BAIAP2: variants seen among roughly 807,000 people sequenced by gnomAD.
BAIAP2 encodes the protein BAR/IMD domain containing adaptor protein 2, also known as BAR/IMD domain-containing adapter protein 2.
In BAIAP2, 18 loss-of-function variants were observed where a neutral mutation model predicts 63.0. That is an observed-to-expected ratio of 0.29 (90% CI 0.20 to 0.42). BAIAP2 has a LOEUF of 0.42. Among genes scored for constraint, BAIAP2 ranks in the 10% least tolerant of loss-of-function variants. BAIAP2 has a pLI of 1.00. For missense variants in BAIAP2, 610 were observed against 734.3 expected (o/e 0.83, Z 1.96); for synonymous variants, 386 against 307.6 (o/e 1.25, Z -2.67).
chr17:81,068,912 T>C (rs184891563), intron 3 of BAIAP2, among the ~76,000 whole-genome samples: 25 of 152,264 alleles, frequency 1.6e-4, no homozygotes, highest in African/African-American at 5.3e-4. Flanking sequence ...TGCTCCTGTG[T>C]GCCCGCTGCC....
At chr17:81,089,564 C>T (rs924809019) in intron 6 of BAIAP2, among the ~76,000 whole-genome samples, 4 of 152,140 alleles carry the variant, frequency 2.6e-5, no homozygotes, top group African/African-American at 9.7e-5. Flanking sequence ...TGGGAGTAAG[C>T]CACAGCACCT....
intron 1 of BAIAP2, among the ~76,000 whole-genome samples, chr17:81,035,515 C>T (rs886593065): frequency 1.3e-5 from 2 of 149,094 alleles, no homozygotes; most frequent in Non-Finnish European, 3.0e-5. Flanking sequence ...GTGGCCACCC[C>T]CGCCCGGGCC....
At chr17:81,044,626 C>A (rs2047545332) in intron 1 of BAIAP2, among the ~76,000 whole-genome samples, 1 of 152,212 alleles carries the variant, frequency 6.6e-6, no homozygotes, top group Non-Finnish European at 1.5e-5. Context: ...CCCAGCGGAC[C>A]CCACCCGTGA....
At chr17:81,038,546 ACT>A (rs2046619413) in intron 1 of BAIAP2, among the ~76,000 whole-genome samples, 1 of 152,094 alleles carries the variant, frequency 6.6e-6, no homozygotes, top group African/African-American at 2.4e-5. Context: ...CTGGCTGGTC[ACT>A]CTAGCAGCTG....
At chr17:81,098,007 C>T (rs1013317135) in intron 6 of BAIAP2, 14 of 905,230 alleles carry the variant, frequency 1.5e-5, no homozygotes, top group East Asian at 1.0e-4. Flanking sequence ...CCCCGGGTGC[C>T]GGGTGTCAGC....
intron 1 of BAIAP2, among the ~76,000 whole-genome samples, chr17:81,038,901 G>A (rs117602881): frequency 0.79 from 114,889 of 146,246 alleles, 43,760 homozygotes; most frequent in Middle Eastern, 0.83. Context: ...CTTCCTGGGT[G>A]GGGGGGGCAG....
Position 81,057,942 on chromosome 17 carries a change from C to T in BAIAP2, c.192C>T (p.Ser64=), listed in dbSNP as rs372246311. ...TGGTGAAGATGGGGGAGCTGGCCAGCGAGAGCCAGGGCTCCAAAGAACTCG... is the reference window on the plus strand; with the variant it reads ...TGGTGAAGATGGGGGAGCTGGCCAGTGAGAGCCAGGGCTCCAAAGAACTCG... ...DALVKMGELA[S]ESQGSKELGD... Residue 64 remains serine, a synonymous_variant, in exon 3 of 14, where the codon AGC becomes AGT. Transcript: ENST00000428708. 2.5e-4 allele frequency: 390 copies of T among 1,556,158 alleles called. 1 individual carries two copies. Among genetic ancestry groups the T allele is most frequent in the Admixed American group, 1.8e-4 (10 of 54,252 alleles).
At chr17:81,055,787 G>C (rs537366224) in intron 2 of BAIAP2, among the ~76,000 whole-genome samples, 7 of 151,808 alleles carry the variant, frequency 4.6e-5, no homozygotes, top group Non-Finnish European at 1.0e-4. Context: ...GGATGGTCTC[G>C]ATCTCCTGAC....
Position 81,116,272 on chromosome 17 carries a change from G to T in BAIAP2, c.*433G>T. The T allele has an allele frequency of 6.2e-7, 1 of 1,612,902 alleles. No homozygotes were observed. Among genetic ancestry groups the T allele is most frequent in the Non-Finnish European group, 8.5e-7 (1 of 1,179,950 alleles). ...AAGGGCCAGAAGGCCGGGAGCACGG[G>T]GATGGGAGCGCCCGCACCCTGGCTG... On this transcript the variant is annotated 3_prime_UTR_variant, in exon 14 of 14. Transcript: ENST00000428708.
At chr17:81,108,738 T>C in intron 13 of BAIAP2, 1 of 863,622 alleles carries the variant, frequency 1.2e-6, no homozygotes, top group Admixed American at 2.9e-5. Context: ...GCCGGCCCCA[T>C]CCATCCCTGT....
chr17:81,097,995 A>G, intron 6 of BAIAP2: 1 of 769,488 alleles, frequency 1.3e-6, no homozygotes, highest in Non-Finnish European at 1.8e-6. Flanking sequence ...TGGAATCGGG[A>G]ACCCCGGGTG....
In BAIAP2 at chr17:81,050,675, A is replaced by G. The variant is rs146608989; in HGVS notation, c.55-2993A>G. ...GGTAGTGTTTTCATACCTGTGTCAC[A>G]CAGGGTGAGAAACATGCTTGATGCT... On this transcript the variant is annotated intron_variant, in intron 1 of 13. Transcript: ENST00000428708. Among the ~76,000 whole-genome samples, 20 of 151,914 alleles carry G rather than the reference A, an allele frequency of 1.3e-4. No homozygotes were observed. In the East Asian group the frequency reaches 3.9e-3, roughly 30 times the overall value.
At chr17:81,098,980 CCCCCCA>C (rs2058097499) in intron 6 of BAIAP2, among the ~76,000 whole-genome samples, 7 of 90,500 alleles carry the variant, frequency 7.7e-5, no homozygotes, top group Admixed American at 3.5e-4. Flanking sequence ...ATCCCCCCAT[CCCCCCA>C]TCCCCCCATC....
chr17:81,094,852 G>A (rs2057366220), intron 6 of BAIAP2, among the ~76,000 whole-genome samples: 1 of 152,246 alleles, frequency 6.6e-6, no homozygotes, highest in Non-Finnish European at 1.5e-5. Flanking sequence ...CATGGTGACA[G>A]CTGAAGGCCA....
chr17:81,108,923 G>A (rs1242307489), intron 13 of BAIAP2: 1 of 1,536,626 alleles, frequency 6.5e-7, no homozygotes, highest in Non-Finnish European at 8.8e-7. Flanking sequence ...CTGTGGCTGG[G>A]CAGCGTCGTG....
In BAIAP2 at chr17:81,105,415, C is replaced by T. The variant is rs146882814; in HGVS notation, c.1269-663C>T. The T allele has an allele frequency of 2.4e-3, 373 of 153,600 alleles. 2 individuals are homozygous for T. Among genetic ancestry groups the T allele is most frequent in the Admixed American group, 4.9e-3 (75 of 15,408 alleles). 9.5% of individuals were successfully genotyped at this position (153,600 alleles called of 1,614,324 possible). Reference sequence around the variant, plus strand: ...GAGCAGGGCTTGGCCATCCTGAGACCGCAGGCTTTCTGTGGCTTTCAGCTC... The same window carrying T: ...GAGCAGGGCTTGGCCATCCTGAGACTGCAGGCTTTCTGTGGCTTTCAGCTC... On this transcript the variant is annotated intron_variant, in intron 10 of 13. Transcript: ENST00000428708.
chr17:81,107,409 G>A lies in BAIAP2; in HGVS notation c.1500+502G>A, dbSNP rs117026467. 613 of 154,794 alleles carry A rather than the reference G, an allele frequency of 4.0e-3. 2 individuals carry two copies. The highest frequency in any genetic ancestry group is 6.4e-3 in the Non-Finnish European group (446 of 69,714). The allele number at this position is 154,794 out of a possible 1,614,324, so 9.6% of individuals were successfully genotyped here. A position where few individuals can be genotyped will look rare whatever the true frequency, so the allele number is the denominator to read the frequency against. ...CCCTGGATTTGGGCCATCTGGTGCCGGGAGGCCAGAGGTGGAGGATCAGGG... is the reference window on the plus strand; with the variant it reads ...CCCTGGATTTGGGCCATCTGGTGCCAGGAGGCCAGAGGTGGAGGATCAGGG... On this transcript the variant is annotated intron_variant, in intron 12 of 13. Transcript: ENST00000428708.
At chr17:81,050,803 A>T (rs2048561222) in intron 1 of BAIAP2, among the ~76,000 whole-genome samples, 1 of 145,848 alleles carries the variant, frequency 6.9e-6, no homozygotes, top group South Asian at 2.3e-4. Context: ...GTGCATGCAG[A>T]CATGAGCACA....
intron 3 of BAIAP2, among the ~76,000 whole-genome samples, chr17:81,074,856 G>A (rs1004654134): frequency 3.9e-5 from 6 of 152,360 alleles, no homozygotes; most frequent in Admixed American, 6.5e-5. Flanking sequence ...GTGGTGAAGC[G>A]ATTGTGGCAA....
Sources: allele counts gnomAD v4.1 joint callset (sites outside exome capture counted in the v4.1 genomes callset), GRCh38; gene constraint gnomAD v4.1.1; transcripts MANE v1.5; gene names NCBI Gene and HGNC (gene_info 2026-07-23, HGNC 2026-07-21).